CARMIL1: variants seen among roughly 807,000 people sequenced by gnomAD.
The protein encoded by CARMIL1 is F-actin-uncapping protein LRRC16A.
Under a neutral mutation model 177.1 loss-of-function variants are expected in CARMIL1, and 90 were observed. That is an observed-to-expected ratio of 0.51 (90% confidence interval 0.43 to 0.61). The LOEUF is 0.61. Among genes scored for constraint, CARMIL1 ranks in the 20% least tolerant of loss-of-function variants. CARMIL1 has a pLI of 0.00. For missense variants in CARMIL1, 1,380 were observed against 1,667.0 expected, an observed-to-expected ratio of 0.83 and a Z score of 3.00; for synonymous variants, 577 against 606.2, an observed-to-expected ratio of 0.95 and a Z score of 0.71.
At position 25,619,545 on chromosome 6, in the gene CARMIL1, T is replaced by C; in HGVS notation, c.4078T>C (p.Ser1360Pro). The C allele has an allele frequency of 6.2e-7, 1 of 1,613,812 alleles. No homozygotes were observed. Among genetic ancestry groups the C allele is most frequent in the Non-Finnish European group, 8.5e-7 (1 of 1,179,834 alleles). Residue 1360 changes from serine (S) to proline (P), a missense_variant, in exon 37 of 37, where the codon TCC becomes CCC. Ser to Pro is a moderately conservative substitution (Grantham distance 74). Coordinates refer to ENST00000329474, the MANE Select transcript of CARMIL1 (RefSeq NM_017640.6). ...CCATCAAGGCAGCAAATCTAATGAC[T>C]CCGGGGAAGAAGCAGAAAAAGAGTT... ...DGHQGSKSND[S>P]GEEAEKEFIF... is the part of the protein sequence containing the mutation.
At chr6:25,519,590 C>A (rs1025462884) in intron 22 of CARMIL1, among the ~76,000 whole-genome samples, 1 of 152,168 alleles carries the variant, frequency 6.6e-6, no homozygotes, top group Admixed American at 6.5e-5. Flanking sequence ...TTTCTCGAGC[C>A]TGGTGGACAT....
chr6:25,616,381 A>G lies in CARMIL1; in HGVS notation c.3980-3066A>G, dbSNP rs922161814. 2.6e-5 allele frequency among the ~76,000 whole-genome samples: 4 copies of G among 152,172 alleles called. No individual in the cohort carries two copies. The South Asian group carries it at 6.2e-4, about 24-fold the overall frequency. On this transcript the variant is annotated intron_variant, in intron 36 of 36. Coordinates refer to ENST00000329474, the MANE Select transcript of CARMIL1 (RefSeq NM_017640.6). ...CCAGGAATTTGAGACCAGCCTGGGC[A>G]ACAAATGAGACTCTGTCTATAGAAA...
chr6:25,553,288 A>G (rs978790654), intron 27 of CARMIL1, among the ~76,000 whole-genome samples: 3 of 152,206 alleles, frequency 2.0e-5, no homozygotes, highest in African/African-American at 7.2e-5. Context: ...GACCGAGAAC[A>G]CACATGAAAG....
intron 8 of CARMIL1, chr6:25,452,543 T>C (rs758701284): frequency 3.3e-5 from 7 of 210,008 alleles, no homozygotes; most frequent in Non-Finnish European, 6.6e-5. Context: ...AACTAAAATT[T>C]GAAATATTTA....
intron 10 of CARMIL1, among the ~76,000 whole-genome samples, chr6:25,472,067 A>G (rs562123526): frequency 3.9e-5 from 6 of 152,166 alleles, no homozygotes; most frequent in Non-Finnish European, 5.9e-5. Flanking sequence ...ATGGAATGAG[A>G]AATAAGATGT....
chr6:25,369,355 C>G (rs1790164786), intron 2 of CARMIL1, among the ~76,000 whole-genome samples: 2 of 149,326 alleles, frequency 1.3e-5, no homozygotes, highest in Admixed American at 1.3e-4. Context: ...GTCAGCTTAA[C>G]AGTTGAATGC....
intron 2 of CARMIL1, among the ~76,000 whole-genome samples, chr6:25,389,597 TCTAGACAC>T (rs1263736885): frequency 6.6e-5 from 10 of 152,194 alleles, no homozygotes; most frequent in African/African-American, 2.2e-4. Flanking sequence ...TTGTTTTTAT[TCTAGACAC>T]TATGAAACAT....
At chr6:25,408,292 TAA>T (rs1166997029) in intron 2 of CARMIL1, among the ~76,000 whole-genome samples, 1,992 of 96,462 alleles carry the variant, frequency 0.021, 8 homozygotes, top group Admixed American at 0.029. Context: ...TCTCTTAAAA[TAA>T]AAAAAAAAAA....
intron 11 of CARMIL1, among the ~76,000 whole-genome samples, chr6:25,476,891 C>A (rs1261183102): frequency 6.6e-6 from 1 of 151,850 alleles, no homozygotes; most frequent in African/African-American, 2.4e-5. Context: ...GAGATTGAGA[C>A]CATCCTGGTC....
chr6:25,552,289 C>T (rs2151168509), intron 27 of CARMIL1, among the ~76,000 whole-genome samples: 1 of 152,130 alleles, frequency 6.6e-6, no homozygotes, highest in African/African-American at 2.4e-5. Context: ...AATGTATTGG[C>T]CACTATTCTT....
At chr6:25,465,300 G>C (rs557622257) in intron 8 of CARMIL1, among the ~76,000 whole-genome samples, 1 of 152,188 alleles carries the variant, frequency 6.6e-6, no homozygotes, top group South Asian at 2.1e-4. Flanking sequence ...GGCCAAGGTG[G>C]TTGAGTTTCT....
In CARMIL1 at chr6:25,449,841, C is replaced by G. The variant is rs1581984178; in HGVS notation, c.372-57C>G. ...AAAAGGAATGTGACAAAATTTATTT[C>G]TATGTGCAGTCAAAAAGTGTGGTTT... On this transcript the variant is annotated intron_variant, in intron 5 of 36. Transcript: ENST00000329474. 8.2e-6 allele frequency: 8 copies of G among 973,568 alleles called. No individual in the cohort carries two copies. The East Asian group carries it at 2.1e-4, about 25-fold the overall frequency. The allele number at this position is 973,568 out of a possible 1,614,324, so 60.3% of individuals were successfully genotyped here. A position where few individuals can be genotyped will look rare whatever the true frequency, so the allele number is the denominator to read the frequency against.
chr6:25,409,884 T>C (rs1794754021), intron 2 of CARMIL1, among the ~76,000 whole-genome samples: 1 of 152,226 alleles, frequency 6.6e-6, no homozygotes, highest in Non-Finnish European at 1.5e-5. Context: ...CTCTGATGAA[T>C]TGATTTAACT....
At chr6:25,613,684 T>C (rs1414894758) in intron 36 of CARMIL1, among the ~76,000 whole-genome samples, 1 of 152,236 alleles carries the variant, frequency 6.6e-6, no homozygotes, top group Non-Finnish European at 1.5e-5. Context: ...TATATTAACT[T>C]CTTATAAACA....
chr6:25,575,919 T>G (rs931448961), intron 29 of CARMIL1, among the ~76,000 whole-genome samples: 1 of 152,154 alleles, frequency 6.6e-6, no homozygotes, highest in Admixed American at 6.5e-5. Flanking sequence ...CATCCCATTT[T>G]ATATTGAAAA....
chr6:25,293,704 C>A (rs577088848), intron 2 of CARMIL1, among the ~76,000 whole-genome samples: 11 of 151,864 alleles, frequency 7.2e-5, no homozygotes, highest in Non-Finnish European at 1.6e-4. Context: ...CTTCCTTTCC[C>A]CCTTCCCTTC....
chr6:25,503,626 A>G (rs1043217039), intron 17 of CARMIL1, among the ~76,000 whole-genome samples: 8 of 152,150 alleles, frequency 5.3e-5, no homozygotes, highest in Admixed American at 6.5e-5. Context: ...GAATATGTAT[A>G]TTTTCTTTCT....
At chr6:25,341,713 C>A (rs1786964793) in intron 2 of CARMIL1, among the ~76,000 whole-genome samples, 1 of 152,214 alleles carries the variant, frequency 6.6e-6, no homozygotes, top group Non-Finnish European at 1.5e-5. Context: ...GAGACTCTGT[C>A]TCAAAACAAC....
chr6:25,366,373 C>G (rs1789801830), intron 2 of CARMIL1, among the ~76,000 whole-genome samples: 1 of 151,944 alleles, frequency 6.6e-6, no homozygotes, highest in Non-Finnish European at 1.5e-5. Context: ...GGGGCACTTC[C>G]TCACCTTCTT....
Sources: allele counts gnomAD v4.1 joint callset (sites outside exome capture counted in the v4.1 genomes callset), GRCh38; gene constraint gnomAD v4.1.1; transcripts MANE v1.5; gene names NCBI Gene and HGNC (gene_info 2026-07-23, HGNC 2026-07-21).